DOCK11: variants seen among roughly 807,000 people sequenced by gnomAD.
The protein encoded by DOCK11 is dedicator of cytokinesis 11.
In DOCK11, 70 loss-of-function variants were observed where a neutral mutation model predicts 169.1. That is an observed-to-expected ratio of 0.41 (90% CI 0.34 to 0.51). The LOEUF is 0.51. Among genes scored for constraint, DOCK11 ranks in the 20% least tolerant of loss-of-function variants. DOCK11 has a pLI of 0.10. For missense variants in DOCK11, 1,166 were observed against 1,538.8 expected, an observed-to-expected ratio of 0.76 and a Z score of 4.05; for synonymous variants, 529 against 541.3, an observed-to-expected ratio of 0.98 and a Z score of 0.32.
At chrX:118,655,045 A>G in intron 44 of DOCK11, 84 bp downstream of exon 44, 2 of 904,576 alleles carry the variant, frequency 2.2e-6, no homozygotes, top group Admixed American at 2.4e-5. Context: ...TATGAATATG[A>G]TATAATAGAA....
Position 118,578,557 on chromosome X carries a change from A to G in DOCK11, c.1422A>G (p.Glu474=), listed in dbSNP as rs61741251. 799 of 1,207,563 alleles carry G rather than the reference A, an allele frequency of 6.6e-4. No homozygotes were observed. In the African/African-American group the frequency reaches 0.012, roughly 18 times the overall value. ...GIFSVTNPHP[E]IFLVARIEKV... ...TCTCAGTGACGAATCCACATCCTGA[A>G]ATTTTTCTAGTTGCCAGAATTGAAA... is the stretch of plus-strand genomic sequence containing the variant. The change falls in exon 13 of 53, where the codon GAA becomes GAG. Residue 474 remains glutamate (E), a synonymous_variant. Transcript: ENST00000276202.
At position 118,561,475 on chromosome X, in the gene DOCK11, G is replaced by A. The variant is rs143402978; in HGVS notation, c.651G>A (p.Ser217=). The change falls in exon 7 of 53, where the codon TCG becomes TCA. Residue 217 remains serine, a synonymous_variant. Coordinates refer to ENST00000276202, the MANE Select transcript of DOCK11 (RefSeq NM_144658.4). ...SYKDEKNSKE[S]KGCIYLDACI... The stretch of plus-strand genomic sequence containing the variant: ...AAGATGAGAAAAATTCAAAAGAATC[G>A]AAAGGTTGCATCTACTTGGACGCCT... The A allele has an allele frequency of 1.7e-4, 201 of 1,205,884 alleles. 1 individual carries two copies. Among genetic ancestry groups the A allele is most frequent in the Middle Eastern group, 9.2e-4 (4 of 4,341 alleles).
rs148756855 is a variant in DOCK11 at position 118,609,340 on chromosome X, T to A, written c.2940T>A (p.Asn980Lys). ...KSMATYLLEENKIKLPRGQRF... is the reference protein window; with the variant it reads ...KSMATYLLEEKKIKLPRGQRF... The stretch of plus-strand genomic sequence containing the variant: ...TGGCCACATACTTGTTGGAAGAGAA[T>A]AAGATTAAGGTAAGTAAATTAAGGT... Residue 980 changes from asparagine to lysine, a missense_variant, in exon 27 of 53, where the codon AAT (asparagine) becomes AAA (lysine). Asn to Lys is a moderately conservative substitution (Grantham distance 94). Coordinates refer to ENST00000276202, the MANE Select transcript of DOCK11 (RefSeq NM_144658.4). The A allele has an allele frequency of 8.5e-7, 1 of 1,183,320 alleles. No homozygotes were observed. Among genetic ancestry groups the A allele is most frequent in the African/African-American group, 1.8e-5 (1 of 56,352 alleles).
intron 42 of DOCK11, 141 bp downstream of exon 42, chrX:118,652,218 T>C (rs1041669550): frequency 1.5e-5 from 6 of 404,363 alleles, no homozygotes; most frequent in Admixed American, 9.2e-5. Context: ...GGCTTTGTCT[T>C]ATACATCACT....
chrX:118,518,507 A>G (rs866460493), intron 1 of DOCK11, among the ~76,000 whole-genome samples: 2 of 111,886 alleles, frequency 1.8e-5, no homozygotes, highest in Non-Finnish European at 3.8e-5. Flanking sequence ...CCAGGAGTTC[A>G]AGTCCAGCCT....
intron 14 of DOCK11, among the ~76,000 whole-genome samples, chrX:118,581,761 G>A (rs193280475): frequency 0.026 from 2,269 of 86,166 alleles, 37 homozygotes; most frequent in Non-Finnish European, 0.038. Context: ...CAGAGATTGC[G>A]CCACGGCACT....
At chrX:118,570,097 C>T (rs767805789) in intron 10 of DOCK11, among the ~76,000 whole-genome samples, 2 of 112,129 alleles carry the variant, frequency 1.8e-5, no homozygotes, top group Admixed American at 9.4e-5. Context: ...AAGGCAGTGT[C>T]GCCTCGGAGA....
intron 35 of DOCK11, among the ~76,000 whole-genome samples, chrX:118,634,774 G>A (rs1205988284): frequency 8.9e-6 from 1 of 111,873 alleles, no homozygotes; most frequent in Admixed American, 9.4e-5. Context: ...TTGAGCCCAG[G>A]CTGGAGAGCA....
rs913338624 is a variant in DOCK11 at position 118,561,598 on chromosome X, G to A, written c.693+81G>A. The A allele has an allele frequency of 1.8e-5, 18 of 1,019,951 alleles. 1 individual carries two copies. Among genetic ancestry groups the A allele is most frequent in the Middle Eastern group, 3.2e-4 (1 of 3,094 alleles). 84.1% of individuals were successfully genotyped at this position (1,019,951 alleles called of 1,213,427 possible). A position where few individuals can be genotyped will look rare whatever the true frequency, so the allele number is the denominator to read the frequency against. ...TAAGAACCCCAGATGGTTGGGTGGG[G>A]TGGCTTATGCCTGTAATCCCAGCAC... is the stretch of plus-strand genomic sequence containing the variant. On this transcript the variant is annotated intron_variant, in intron 7 of 52. Coordinates refer to ENST00000276202, the MANE Select transcript of DOCK11 (RefSeq NM_144658.4).
intron 38 of DOCK11, among the ~76,000 whole-genome samples, chrX:118,640,844 A>G (rs779911024): frequency 8.9e-6 from 1 of 111,885 alleles, no homozygotes; most frequent in Admixed American, 9.5e-5. Flanking sequence ...CCCAGGTTGG[A>G]GTGCAGTGAC....
At chrX:118,582,932 T>C (rs2013697338) in intron 14 of DOCK11, among the ~76,000 whole-genome samples, 1 of 112,239 alleles carries the variant, frequency 8.9e-6, no homozygotes. Flanking sequence ...TTACTGGGTA[T>C]ATACCCAAAG....
chrX:118,581,104 C>T (rs937956675), intron 14 of DOCK11, among the ~76,000 whole-genome samples: 3 of 112,069 alleles, frequency 2.7e-5, no homozygotes, highest in Non-Finnish European at 5.6e-5. Context: ...GGTTCACTGG[C>T]TTGTTTGTGG....
At chrX:118,599,087 A>G in intron 22 of DOCK11, 52 bp from the exon 23 acceptor site, 3 of 1,018,042 alleles carry the variant, frequency 2.9e-6, no homozygotes, top group Non-Finnish European at 2.8e-6. Flanking sequence ...GAGAGCTTGC[A>G]TTTGAGGATA....
chrX:118,646,326 A>G (rs985869723), intron 40 of DOCK11, among the ~76,000 whole-genome samples: 13 of 110,736 alleles, frequency 1.2e-4, no homozygotes, highest in African/African-American at 3.9e-4. Context: ...TGGAGGGTAC[A>G]TTGAAGAAGA....
At chrX:118,536,361 T>C (rs2011753053) in intron 1 of DOCK11, among the ~76,000 whole-genome samples, 1 of 111,450 alleles carries the variant, frequency 9.0e-6, no homozygotes, top group African/African-American at 3.3e-5. Flanking sequence ...GGTTCCTCTC[T>C]AGAAGTCTCT....
At chrX:118,633,448 C>G (rs756089095) in intron 35 of DOCK11, 2 of 111,662 alleles carry the variant, frequency 1.8e-5, no homozygotes, top group East Asian at 5.6e-4. Flanking sequence ...TTTCAAGTGT[C>G]CCTTTTGGCT....
chrX:118,544,645 C>CTTTTTTTTTTTTTTTTTTT lies in DOCK11; in HGVS notation c.393-664_393-646dup, dbSNP rs1157804079. The stretch of plus-strand genomic sequence containing the variant: ...TGCAAGAGCCAGAATTACACTGTTG[C>CTTTTTTTTTTTTTTTTTTT]TTTTTTTTTTTTTTTTTTTTTTTTT... On this transcript the variant is annotated intron_variant, in intron 4 of 52. Coordinates refer to ENST00000276202, the MANE Select transcript of DOCK11 (RefSeq NM_144658.4). Among the ~76,000 whole-genome samples the CTTTTTTTTTTTTTTTTTTT allele has an allele frequency of 9.8e-4, 23 of 23,361 alleles. 4 individuals carry two copies. Among genetic ancestry groups the CTTTTTTTTTTTTTTTTTTT allele is most frequent in the Non-Finnish European group, 1.2e-3 (17 of 13,900 alleles). The allele number at this position is 23,361 out of a possible 115,157, so 20.3% of individuals were successfully genotyped here. A position where few individuals can be genotyped will look rare whatever the true frequency, so the allele number is the denominator to read the frequency against.
rs200992076 is a variant in DOCK11, at chrX:118,654,794, G to A, written c.4888G>A (p.Val1630Ile). The change falls in exon 43 of 53, where the codon GTA becomes ATA. Residue 1630 changes from valine (V) to isoleucine (I), a missense_variant. Coordinates refer to ENST00000276202, the MANE Select transcript of DOCK11 (RefSeq NM_144658.4). ...GCTTGATAGCATGGCCAAGATTCAT[G>A]TAAAAAATGGAGATTTTTCAGAGGT... ...TWLDSMAKIHVKNGDFSEAAM... is the reference protein window; with the variant it reads ...TWLDSMAKIHIKNGDFSEAAM... The A allele has an allele frequency of 2.6e-4, 317 of 1,209,831 alleles. No individual in the cohort carries two copies. Among genetic ancestry groups the A allele is most frequent in the Non-Finnish European group, 3.2e-5 (29 of 895,221 alleles).
In DOCK11 at chrX:118,649,022, G is replaced by A. The variant is rs766989667; in HGVS notation, c.4476G>A (p.Ser1492=). ...ATGAGGTTTTAAAGTGCTGCACATCGAAGATTAGCTCAACCAGGAATGAAG... is the reference window on the plus strand; with the variant it reads ...ATGAGGTTTTAAAGTGCTGCACATCAAAGATTAGCTCAACCAGGAATGAAG... ...FCYEVLKCCT[S]KISSTRNEAS... Residue 1492 remains serine, a synonymous_variant, in exon 41 of 53, where the codon TCG becomes TCA. Coordinates refer to ENST00000276202, the MANE Select transcript of DOCK11 (RefSeq NM_144658.4). The A allele has an allele frequency of 1.3e-5, 16 of 1,206,392 alleles. No individual in the cohort carries two copies. Among genetic ancestry groups the A allele is most frequent in the East Asian group, 3.0e-5 (1 of 33,674 alleles).
Sources: gnomAD v4.1 joint callset for allele counts (sites outside exome capture counted in the v4.1 genomes callset) on GRCh38, gnomAD v4.1.1 for gene constraint, MANE v1.5 for transcripts, NCBI Gene and HGNC (gene_info 2026-07-23, HGNC 2026-07-21) for gene names.